Variants in NEGR1 observed in about 807,000 individuals in gnomAD.
NEGR1 encodes the protein neuronal growth regulator 1, also known as IgLON family member 4.
Under a neutral mutation model 40.9 loss-of-function variants are expected in NEGR1, and 10 were observed. The ratio of observed to expected loss-of-function variants is 0.24; its 90% confidence interval spans 0.15 to 0.42. The LOEUF is 0.42. Ranked by LOEUF, NEGR1 falls within the 10% of genes least tolerant of loss-of-function variation. The pLI, the probability that NEGR1 is intolerant of heterozygous loss-of-function variation, is 1.00. For synonymous variants in NEGR1, 185 were observed against 166.8 expected, an observed-to-expected ratio of 1.11 and a Z score of -0.84; for missense variants, 352 against 438.9, an observed-to-expected ratio of 0.80 and a Z score of 1.77.
chr1:71,512,225 G>C (rs918767705), intron 6 of NEGR1, among the ~76,000 whole-genome samples: 1 of 151,816 alleles, frequency 6.6e-6, no homozygotes, highest in African/African-American at 2.4e-5. Flanking sequence ...GATATGAAAT[G>C]TTCTCTATTG....
chr1:71,575,782 CAAAACA>C (rs1191329239), intron 6 of NEGR1, among the ~76,000 whole-genome samples: 1 of 128,064 alleles, frequency 7.8e-6, no homozygotes, highest in Non-Finnish European at 1.7e-5. Flanking sequence ...GACTCCGGCT[CAAAACA>C]AAAACAAAAA....
intron 4 of NEGR1, among the ~76,000 whole-genome samples, chr1:71,642,104 C>T (rs1204709822): frequency 6.6e-6 from 1 of 151,918 alleles, no homozygotes; most frequent in African/African-American, 2.4e-5. Flanking sequence ...ATCAGAATAA[C>T]CAACATGTCT....
chr1:71,999,718 C>G (rs1646541273), intron 1 of NEGR1, among the ~76,000 whole-genome samples: 1 of 127,600 alleles, frequency 7.8e-6, no homozygotes, highest in Non-Finnish European at 1.6e-5. Context: ...CTTGACTTTA[C>G]ATGGAGTCTC....
intron 1 of NEGR1, among the ~76,000 whole-genome samples, chr1:71,995,173 T>A (rs1162623869): frequency 6.6e-6 from 1 of 152,120 alleles, no homozygotes; most frequent in Non-Finnish European, 1.5e-5. Flanking sequence ...CACACTCAGA[T>A]CAGAGGATTT....
chr1:71,731,620 A>G (rs548788008), intron 3 of NEGR1, among the ~76,000 whole-genome samples: 180 of 152,364 alleles, frequency 1.2e-3, no homozygotes, highest in Non-Finnish European at 2.1e-3. Flanking sequence ...TTTCCTTTAA[A>G]AAGCACACAT....
intron 6 of NEGR1, among the ~76,000 whole-genome samples, chr1:71,423,829 C>T (rs1360723846): frequency 6.7e-6 from 1 of 149,346 alleles, no homozygotes; most frequent in East Asian, 2.0e-4. Context: ...ACCCACCCCC[C>T]CTTTTTTTTT....
intron 6 of NEGR1, among the ~76,000 whole-genome samples, chr1:71,504,538 A>G (rs1448533666): frequency 1.3e-5 from 2 of 152,180 alleles, no homozygotes; most frequent in Non-Finnish European, 2.9e-5. Context: ...TAAGAAAAAA[A>G]AGGCAATCCC....
chr1:71,592,498 A>G (rs1649534230), intron 6 of NEGR1, among the ~76,000 whole-genome samples: 2 of 152,330 alleles, frequency 1.3e-5, no homozygotes, highest in Admixed American at 1.3e-4. Flanking sequence ...TTAAAAAACA[A>G]CAAAATCTCA....
At chr1:71,540,954 G>A (rs1250834074) in intron 6 of NEGR1, among the ~76,000 whole-genome samples, 3 of 151,226 alleles carry the variant, frequency 2.0e-5, no homozygotes, top group Non-Finnish European at 4.4e-5. Flanking sequence ...AGTGAAGGTC[G>A]GGGAGCCACA....
chr1:71,686,843 A>T (rs575782885), intron 4 of NEGR1, among the ~76,000 whole-genome samples: 1 of 152,362 alleles, frequency 6.6e-6, no homozygotes, highest in Admixed American at 6.5e-5. Context: ...CAAGTGAATT[A>T]CATGGAGCTT....
At chr1:71,854,887 C>T (rs149701513) in intron 2 of NEGR1, among the ~76,000 whole-genome samples, 1 of 152,216 alleles carries the variant, frequency 6.6e-6, no homozygotes, top group African/African-American at 2.4e-5. Flanking sequence ...AACTAGAATT[C>T]AAGATGAGAT....
intron 1 of NEGR1, among the ~76,000 whole-genome samples, chr1:72,278,077 AGTTTT>A (rs1656119495): frequency 6.6e-6 from 1 of 152,158 alleles, no homozygotes; most frequent in Non-Finnish European, 1.5e-5. Flanking sequence ...TACTTGTAAA[AGTTTT>A]GCAGTTTCCA....
chr1:71,934,748 G>C (rs1645887882), intron 2 of NEGR1, among the ~76,000 whole-genome samples: 1 of 152,116 alleles, frequency 6.6e-6, no homozygotes, highest in African/African-American at 2.4e-5. Context: ...ATCTTTGTAA[G>C]TAGGGATTTG....
intron 1 of NEGR1, among the ~76,000 whole-genome samples, chr1:71,940,521 T>G (rs1645949126): frequency 6.6e-6 from 1 of 152,200 alleles, no homozygotes; most frequent in African/African-American, 2.4e-5. Context: ...ACATTTCTTT[T>G]TGCTTCATGG....
chr1:71,839,862 T>C (rs958076250), intron 2 of NEGR1, among the ~76,000 whole-genome samples: 1 of 152,156 alleles, frequency 6.6e-6, no homozygotes, highest in Non-Finnish European at 1.5e-5. Context: ...CACATTGTCA[T>C]TCTTTGAAGG....
intron 1 of NEGR1, among the ~76,000 whole-genome samples, chr1:72,143,516 A>AT (rs1417616299): frequency 2.0e-5 from 3 of 151,770 alleles, no homozygotes; most frequent in African/African-American, 4.8e-5. Flanking sequence ...ACATTAAAAG[A>AT]CTCTGAACTC....
chr1:71,540,762 G>C (rs1314236292), intron 6 of NEGR1, among the ~76,000 whole-genome samples: 3 of 151,710 alleles, frequency 2.0e-5, no homozygotes, highest in South Asian at 4.1e-4. Flanking sequence ...AAATACCTGA[G>C]ACTGGGTAAT....
chr1:71,504,652 C>A (rs549428427), intron 6 of NEGR1, among the ~76,000 whole-genome samples: 2 of 152,130 alleles, frequency 1.3e-5, no homozygotes, highest in Non-Finnish European at 2.9e-5. Context: ...GAAAACGTAA[C>A]GTTTTTGATT....
chr1:72,273,486 T>G (rs1012647786), intron 1 of NEGR1, among the ~76,000 whole-genome samples: 4 of 151,938 alleles, frequency 2.6e-5, no homozygotes, highest in African/African-American at 9.7e-5. Flanking sequence ...CTTCTTAAAA[T>G]TATAACCACA....
Sources: gnomAD v4.1 joint callset for allele counts (sites outside exome capture counted in the v4.1 genomes callset) on GRCh38, gnomAD v4.1.1 for gene constraint, MANE v1.5 for transcripts, NCBI Gene and HGNC (gene_info 2026-07-23, HGNC 2026-07-21) for gene names.